EEF1AKMT1: variants seen among roughly 807,000 people sequenced by gnomAD.
EEF1AKMT1 encodes EEF1A lysine methyltransferase 1.
In EEF1AKMT1, 18 loss-of-function variants were observed where a neutral mutation model predicts 21.0. The ratio of observed to expected loss-of-function variants is 0.86; its 90% confidence interval spans 0.59 to 1.27. EEF1AKMT1 has a LOEUF of 1.27. EEF1AKMT1 is among the 50% of genes most tolerant of loss of function. EEF1AKMT1 has a pLI of 0.00. For synonymous variants in EEF1AKMT1, 109 were observed against 94.8 expected, an observed-to-expected ratio of 1.15 and a Z score of -0.87; for missense variants, 246 against 258.6, an observed-to-expected ratio of 0.95 and a Z score of 0.33.
intron 2 of EEF1AKMT1, among the ~76,000 whole-genome samples, chr13:20,738,857 T>C (rs757593948): frequency 1.4e-4 from 21 of 152,092 alleles, no homozygotes; most frequent in Non-Finnish European, 2.5e-4. Flanking sequence ...CTGAAAAACA[T>C]ATGGTTTCTT....
intron 3 of EEF1AKMT1, among the ~76,000 whole-genome samples, chr13:20,733,800 ATATG>A (rs1458280649): frequency 3.3e-5 from 5 of 152,188 alleles, no homozygotes; most frequent in African/African-American, 1.2e-4. Flanking sequence ...TTGGATTTTT[ATATG>A]TGCATACACT....
intron 1 of EEF1AKMT1, among the ~76,000 whole-genome samples, chr13:20,765,186 G>A (rs1211155824): frequency 2.0e-5 from 3 of 151,804 alleles, no homozygotes; most frequent in Admixed American, 6.6e-5. Context: ...GCTTGAACCC[G>A]GGAGGCAGAG....
intron 1 of EEF1AKMT1, among the ~76,000 whole-genome samples, chr13:20,768,484 G>A (rs958764954): frequency 3.9e-5 from 6 of 152,194 alleles, no homozygotes; most frequent in African/African-American, 1.4e-4. Flanking sequence ...CTTTTCAGAT[G>A]TTTATTTCCC....
In EEF1AKMT1 at chr13:20,757,459, T is replaced by A; in HGVS notation, c.140A>T (p.Asn47Ile). The part of the protein sequence containing the change: ...DKYNIGIIEE[N>I]WQLSQFWYSQ... ...CTGTGAAATGCATTTACTTACCCAA[T>A]TCTCTTCTATTATTCCAATGTTATA... The change falls in exon 2 of 5, where the codon AAT (asparagine) becomes ATT (isoleucine). Residue 47 changes from asparagine (N) to isoleucine (I), a missense_variant. Coordinates refer to ENST00000382758, the MANE Select transcript of EEF1AKMT1 (RefSeq NM_001318939.2). The A allele has an allele frequency of 6.2e-7, 1 of 1,614,068 alleles. No individual in the cohort carries two copies. The highest frequency in any genetic ancestry group is 8.5e-7 in the Non-Finnish European group (1 of 1,179,970).
At chr13:20,759,657 CA>C (rs1236301000) in intron 1 of EEF1AKMT1, among the ~76,000 whole-genome samples, 9 of 149,672 alleles carry the variant, frequency 6.0e-5, no homozygotes, top group Non-Finnish European at 1.3e-4. Context: ...AAAGGAATTG[CA>C]TTAAAAAGTG....
At chr13:20,755,972 T>A in intron 2 of EEF1AKMT1, among the ~76,000 whole-genome samples, 1 of 152,032 alleles carries the variant, frequency 6.6e-6, no homozygotes, top group Non-Finnish European at 1.5e-5. Flanking sequence ...TACAGAAGCA[T>A]CAAGCTAGAA....
At chr13:20,763,452 T>G (rs1406608031) in intron 1 of EEF1AKMT1, among the ~76,000 whole-genome samples, 1 of 151,126 alleles carries the variant, frequency 6.6e-6, no homozygotes, top group South Asian at 2.1e-4. Flanking sequence ...AGGCCCGAAA[T>G]TTTTGTTTTT....
At chr13:20,736,764 G>A (rs1306606315) in intron 3 of EEF1AKMT1, among the ~76,000 whole-genome samples, 1 of 108,308 alleles carries the variant, frequency 9.2e-6, no homozygotes. Flanking sequence ...TTGAGACAGA[G>A]TCTCACTCTG....
chr13:20,773,592 C>T (rs1220796832), intron 1 of EEF1AKMT1, among the ~76,000 whole-genome samples: 1 of 152,252 alleles, frequency 6.6e-6, no homozygotes, highest in Non-Finnish European at 1.5e-5. Context: ...GAGGCCTCCA[C>T]GCGCTGCCGT....
In EEF1AKMT1 at chr13:20,729,012, A is replaced by G; in HGVS notation, c.*68T>C. Reference sequence around the variant, plus strand: ...GAGGGGAAGAGATTATAACTTTTAAATCTACTACGAAAATACAAAAAGAGG... The same window carrying G: ...GAGGGGAAGAGATTATAACTTTTAAGTCTACTACGAAAATACAAAAAGAGG... On this transcript the variant is annotated 3_prime_UTR_variant, in exon 5 of 5. Transcript: ENST00000382758. 6.3e-7 allele frequency: 1 copy of G among 1,597,418 alleles called. No individual in the cohort carries two copies. The highest frequency in any genetic ancestry group is 1.1e-5 in the South Asian group (1 of 90,198).
At chr13:20,735,894 C>CAG (rs1057208374) in intron 3 of EEF1AKMT1, among the ~76,000 whole-genome samples, 1 of 151,788 alleles carries the variant, frequency 6.6e-6, no homozygotes, top group African/African-American at 2.4e-5. Context: ...AGCATGGAAG[C>CAG]AGATATGGTA....
At chr13:20,773,547 A>G (rs1162803332) in intron 1 of EEF1AKMT1, among the ~76,000 whole-genome samples, 3 of 152,368 alleles carry the variant, frequency 2.0e-5, no homozygotes, top group African/African-American at 7.2e-5. Context: ...TGAAAAGGAC[A>G]GCAGGCCGAG....
At chr13:20,732,812 T>C (rs747888196) in intron 3 of EEF1AKMT1, among the ~76,000 whole-genome samples, 1 of 152,348 alleles carries the variant, frequency 6.6e-6, no homozygotes, top group East Asian at 1.9e-4. Flanking sequence ...CTAAATACTA[T>C]AAAGTCATTT....
chr13:20,763,516 G>C (rs1165585385), intron 1 of EEF1AKMT1, among the ~76,000 whole-genome samples: 2 of 151,228 alleles, frequency 1.3e-5, no homozygotes, highest in Admixed American at 1.3e-4. Context: ...GCAATGGCTC[G>C]ATCTCAGCTC....
intron 1 of EEF1AKMT1, among the ~76,000 whole-genome samples, chr13:20,764,880 AACACACACACAC>A (rs34574835): frequency 7.2e-5 from 10 of 139,824 alleles, no homozygotes; most frequent in East Asian, 4.4e-4. Context: ...TTTCACTTTC[AACACACACACAC>A]ACACACACAC....
At chr13:20,744,076 G>A (rs2058888876) in intron 2 of EEF1AKMT1, among the ~76,000 whole-genome samples, 1 of 152,076 alleles carries the variant, frequency 6.6e-6, no homozygotes, top group Non-Finnish European at 1.5e-5. Flanking sequence ...GTGCCACATT[G>A]TCTTAATCCA....
intron 2 of EEF1AKMT1, among the ~76,000 whole-genome samples, chr13:20,738,229 T>G (rs933230944): frequency 6.6e-6 from 1 of 152,238 alleles, no homozygotes; most frequent in African/African-American, 2.4e-5. Context: ...CACCAGAGGA[T>G]GCAATCAGCA....
chr13:20,767,687 G>A (rs1483171456), intron 1 of EEF1AKMT1, among the ~76,000 whole-genome samples: 1 of 151,898 alleles, frequency 6.6e-6, no homozygotes, highest in South Asian at 2.1e-4. Flanking sequence ...TGTGTTTATT[G>A]AGCTTCTTAA....
chr13:20,766,576 C>G (rs529591968), intron 1 of EEF1AKMT1, among the ~76,000 whole-genome samples: 2 of 152,220 alleles, frequency 1.3e-5, no homozygotes, highest in South Asian at 2.1e-4. Flanking sequence ...AATCCCAGCA[C>G]TTTGGGAGGC....
Sources: allele counts gnomAD v4.1 joint callset (sites outside exome capture counted in the v4.1 genomes callset), GRCh38; gene constraint gnomAD v4.1.1; transcripts MANE v1.5; gene names NCBI Gene and HGNC (gene_info 2026-07-23, HGNC 2026-07-21).